Variants in TRIM35 observed in about 807,000 individuals in gnomAD.
The protein encoded by TRIM35 is tripartite motif containing 35.
TRIM35 carries 37 observed loss-of-function variants against 49.1 expected under a neutral mutation model. The observed-to-expected ratio is 0.75, with a 90% CI of 0.58 to 0.99. The LOEUF is 0.99. TRIM35 is among the 50% of genes least tolerant of loss of function. TRIM35 has a pLI of 0.00. For synonymous variants in TRIM35, 302 were observed against 289.3 expected (o/e 1.04, Z -0.45); for missense variants, 648 against 702.7 (o/e 0.92, Z 0.88).
chr8:27,303,385 C>T (rs1301070836), intron 1 of TRIM35, among the ~76,000 whole-genome samples: 1 of 151,866 alleles, frequency 6.6e-6, no homozygotes, highest in Admixed American at 6.6e-5. Flanking sequence ...TTCCATTTTC[C>T]CCTTCTGTGC....
At chr8:27,298,708 T>C (rs1222351107) in intron 1 of TRIM35, 149 bp from the exon 2 acceptor site, 10 of 673,718 alleles carry the variant, frequency 1.5e-5, no homozygotes, top group Non-Finnish European at 2.7e-5. Flanking sequence ...TGCCAAGTGC[T>C]CTGGGCACAA....
rs145586504 is a variant in TRIM35 at position 27,287,796 on chromosome 8, G to A, written c.1236C>T (p.Thr412=). The change falls in exon 6 of 6, where the codon ACC becomes ACT. Residue 412 remains threonine (T), a synonymous_variant. Transcript: ENST00000305364. The surrounding 1 kb of genome is among the most constrained non-coding windows in gnomAD (Gnocchi z 6.0). Reference sequence around the variant, plus strand: ...CCAGGGGCGACGTGGCTGGGTCCGAGGTCACGCAGTGGTCCCCCTCCACGC... The same window carrying A: ...CCAGGGGCGACGTGGCTGGGTCCGAAGTCACGCAGTGGTCCCCCTCCACGC... ...TQGVEGDHCV[T]SDPATSPLVL... is the part of the protein sequence containing the mutation. 6.2e-7 allele frequency: 1 copy of A among 1,610,740 alleles called. No individual in the cohort carries two copies. The highest frequency in any genetic ancestry group is 1.7e-5 in the Admixed American group (1 of 59,520).
In TRIM35 at chr8:27,302,394, T is replaced by C. The variant is rs148291548; in HGVS notation, c.436-3835A>G. 5.0e-3 allele frequency among the ~76,000 whole-genome samples: 758 copies of C among 152,296 alleles called. 9 individuals carry two copies. The highest frequency in any genetic ancestry group is 0.018 in the African/African-American group (734 of 41,560). On this transcript the variant is annotated intron_variant, in intron 1 of 5. Coordinates refer to ENST00000305364, the MANE Select transcript of TRIM35 (RefSeq NM_171982.5). ...CCTAGTTATCTTATTTTTTATATTA[T>C]TGTAAACATATTTTTAAATTAAAAA... is the stretch of plus-strand genomic sequence containing the variant.
chr8:27,306,945 C>T (rs1802798494), intron 1 of TRIM35, among the ~76,000 whole-genome samples: 1 of 152,136 alleles, frequency 6.6e-6, no homozygotes, highest in South Asian at 2.1e-4. Context: ...TGTTCACTTC[C>T]TTTTGTTTTA....
In TRIM35 at chr8:27,310,634, A is replaced by C. The variant is rs112141583; in HGVS notation, c.435+167T>G. Among the ~76,000 whole-genome samples the C allele has an allele frequency of 7.9e-5, 12 of 152,316 alleles. No homozygotes were observed. The East Asian group carries it at 1.7e-3, about 22-fold the overall frequency. On this transcript the variant is annotated intron_variant, in intron 1 of 5. Coordinates refer to ENST00000305364, the MANE Select transcript of TRIM35 (RefSeq NM_171982.5). ...ACGGGCCCCTGGGCCGACCTTGAAG[A>C]AGCAGCCAGCCCTGAGAACCTGGGT... is the stretch of plus-strand genomic sequence containing the variant.
Position 27,287,342 on chromosome 8 carries a change from CA to C in TRIM35, c.*207del, listed in dbSNP as rs1802345114. 2 of 555,744 alleles carry C rather than the reference CA, an allele frequency of 3.6e-6. No individual in the cohort carries two copies. Among genetic ancestry groups the C allele is most frequent in the South Asian group, 5.7e-5 (2 of 35,382 alleles). The allele number at this position is 555,744 out of a possible 1,614,324, so 34.4% of individuals were successfully genotyped here. A position where few individuals can be genotyped will look rare whatever the true frequency, so the allele number is the denominator to read the frequency against. ...CGGGAGAGCCTGGCCAGCGAGGTGC[CA>C]CCCGAATAGCTCCTGACCATGGGCA... On this transcript the variant is annotated 3_prime_UTR_variant, in exon 6 of 6. Transcript: ENST00000305364. This position sits in a 1 kb window ranked among gnomAD's most constrained non-coding sequence, Gnocchi z 6.0.
rs766028609 is a variant in TRIM35 at position 27,311,219 on chromosome 8, T to C, written c.17A>G (p.Asp6Gly). The C allele has an allele frequency of 2.7e-5, 42 of 1,567,302 alleles. No individual in the cohort carries two copies. Among genetic ancestry groups the C allele is most frequent in the Middle Eastern group, 3.5e-4 (2 of 5,698 alleles). MERSP[D>G]VSPGPSRSFK... ...GGAGCGGGAAGGCCCGGGGGACACG[T>C]CGGGACTCCGCTCCATGGCACGAGC... is the stretch of plus-strand genomic sequence containing the variant. The change falls in exon 1 of 6, where the codon GAC becomes GGC. Residue 6 changes from aspartate (D) to glycine (G), a missense_variant. Coordinates refer to ENST00000305364, the MANE Select transcript of TRIM35 (RefSeq NM_171982.5).
chr8:27,290,800 A>G (rs1341754904), intron 3 of TRIM35, among the ~76,000 whole-genome samples: 1 of 152,188 alleles, frequency 6.6e-6, no homozygotes, highest in Non-Finnish European at 1.5e-5. Flanking sequence ...AACCCAGAAT[A>G]GCCAAAACCA....
chr8:27,310,838 C>T lies in TRIM35; in HGVS notation c.398G>A (p.Arg133His), dbSNP rs1326812007. ...CQADPRHQGH[R>H]VQPVKDTAHD... ...GGCAGTGTCCTTCACCGGCTGCACG[C>T]GGTGCCCCTGGTGTCGGGGGTCGGC... The change falls in exon 1 of 6, where the codon CGC (arginine) becomes CAC (histidine). Residue 133 changes from arginine to histidine, a missense_variant. Physicochemically the swap from Arg to His is conservative, Grantham distance 29. Transcript: ENST00000305364. 2 of 1,607,606 alleles carry T rather than the reference C, an allele frequency of 1.2e-6. No homozygotes were observed. The highest frequency in any genetic ancestry group is 1.7e-5 in the Admixed American group (1 of 59,724).
chr8:27,296,545 C>G (rs1802571145), intron 2 of TRIM35, among the ~76,000 whole-genome samples: 1 of 152,170 alleles, frequency 6.6e-6, no homozygotes, highest in East Asian at 1.9e-4. Context: ...ACCTCATTAC[C>G]CTTAGCCTCA....
At chr8:27,310,096 T>C (rs899489740) in intron 1 of TRIM35, among the ~76,000 whole-genome samples, 4 of 152,156 alleles carry the variant, frequency 2.6e-5, no homozygotes, top group African/African-American at 9.7e-5. Flanking sequence ...GGAAAATGCA[T>C]TGCTTCCTAT....
At chr8:27,307,060 T>C (rs1802800540) in intron 1 of TRIM35, among the ~76,000 whole-genome samples, 2 of 152,206 alleles carry the variant, frequency 1.3e-5, no homozygotes, top group African/African-American at 2.4e-5. Context: ...TATTTTTTCC[T>C]TTAAGAAGAA....
chr8:27,290,031 C>T lies in TRIM35; in HGVS notation c.785+125G>A. 5.6e-6 allele frequency: 6 copies of T among 1,069,234 alleles called. No homozygotes were observed. In the Admixed American group the frequency reaches 1.1e-4, roughly 19 times the overall value. The allele number at this position is 1,069,234 out of a possible 1,614,324, so 66.2% of individuals were successfully genotyped here. On this transcript the variant is annotated intron_variant, in intron 4 of 5. Transcript: ENST00000305364. Reference sequence around the variant, plus strand: ...CCACCTCTCCCTCTAAAACCAGGGCCAGTAGCTCATGTGTGCTGGTGCACC... The same window carrying T: ...CCACCTCTCCCTCTAAAACCAGGGCTAGTAGCTCATGTGTGCTGGTGCACC...
intron 4 of TRIM35, among the ~76,000 whole-genome samples, chr8:27,289,497 C>T (rs1050336570): frequency 2.6e-5 from 4 of 152,232 alleles, no homozygotes; most frequent in Admixed American, 6.5e-5. Flanking sequence ...CGAGGGCTCA[C>T]CCTGCCCCAA....
chr8:27,293,631 G>A (rs1802500355), intron 3 of TRIM35, among the ~76,000 whole-genome samples: 1 of 152,032 alleles, frequency 6.6e-6, no homozygotes, highest in South Asian at 2.1e-4. Flanking sequence ...CTTGAGGCCA[G>A]GGATTCAAGA....
intron 2 of TRIM35, among the ~76,000 whole-genome samples, chr8:27,296,432 T>C (rs1442848412): frequency 6.6e-6 from 1 of 152,172 alleles, no homozygotes; most frequent in Non-Finnish European, 1.5e-5. Flanking sequence ...GGCCTCACTG[T>C]AAAGGAACAA....
chr8:27,299,410 G>A (rs1271866814), intron 1 of TRIM35, among the ~76,000 whole-genome samples: 1 of 152,128 alleles, frequency 6.6e-6, no homozygotes, highest in Non-Finnish European at 1.5e-5. Flanking sequence ...CTTACTCTGT[G>A]CCAGGGACAA....
At chr8:27,293,504 C>T (rs779921242) in intron 3 of TRIM35, among the ~76,000 whole-genome samples, 3 of 150,110 alleles carry the variant, frequency 2.0e-5, no homozygotes, top group Admixed American at 6.6e-5. Context: ...AGGTAGAGAC[C>T]GGAAAAAAAA....
In TRIM35 at chr8:27,310,975, G is replaced by A. The variant is rs1054028140; in HGVS notation, c.261C>T (p.Ala87=). Reference sequence around the variant, plus strand: ...GGTAGCTGGTCCAGCGCGCGCCCTCGGCCTCCTCGCGCAGCAGCTTCTCCA... The same window carrying A: ...GGTAGCTGGTCCAGCGCGCGCCCTCAGCCTCCTCGCGCAGCAGCTTCTCCA... ...NLVEKLLREE[A]EGARWTSYRF... Residue 87 remains alanine, a synonymous_variant, in exon 1 of 6, where the codon GCC becomes GCT. Transcript: ENST00000305364. 6.2e-7 allele frequency: 1 copy of A among 1,612,148 alleles called. No homozygotes were observed. The highest frequency in any genetic ancestry group is 8.5e-7 in the Non-Finnish European group (1 of 1,179,516).
Sources: gnomAD v4.1 joint callset for allele counts (sites outside exome capture counted in the v4.1 genomes callset) on GRCh38, gnomAD v4.1.1 for gene constraint, Gnocchi (gnomAD v3.1) non-coding constraint, MANE v1.5 for transcripts, NCBI Gene and HGNC (gene_info 2026-07-23, HGNC 2026-07-21) for gene names.